Variants in ASIC2 observed in about 807,000 individuals in gnomAD.
ASIC2 encodes acid-sensing ion channel 2.
Under a neutral mutation model 57.3 loss-of-function variants are expected in ASIC2, and 25 were observed. The ratio of observed to expected loss-of-function variants is 0.44; its 90% CI spans 0.32 to 0.61. The LOEUF is 0.61. ASIC2 is among the 20% of genes least tolerant of loss of function. The pLI is 0.06. For missense variants in ASIC2, 641 were observed against 738.1 expected (o/e 0.87, Z 1.52); for synonymous variants, 319 against 307.5 (o/e 1.04, Z -0.39).
intron 1 of ASIC2, among the ~76,000 whole-genome samples, chr17:33,196,592 G>A (rs760612648): frequency 5.9e-5 from 9 of 152,176 alleles, no homozygotes; most frequent in Non-Finnish European, 1.3e-4. Flanking sequence ...GCAGGGCCAT[G>A]GAGCCTGGGT....
At chr17:33,087,314 T>C (rs922568662) in intron 3 of ASIC2, among the ~76,000 whole-genome samples, 1 of 152,170 alleles carries the variant, frequency 6.6e-6, no homozygotes, top group Non-Finnish European at 1.5e-5. Flanking sequence ...CTACCTTGCA[T>C]ACCCTTGGAT....
At chr17:33,323,882 G>A (rs74521634) in intron 1 of ASIC2, among the ~76,000 whole-genome samples, 2,792 of 151,878 alleles carry the variant, frequency 0.018, 53 homozygotes, top group Middle Eastern at 0.034. Context: ...AGAAACAAGC[G>A]TGGAAAGTGT....
intron 1 of ASIC2, among the ~76,000 whole-genome samples, chr17:33,485,485 C>T (rs1248664732): frequency 6.6e-6 from 1 of 152,202 alleles, no homozygotes; most frequent in Non-Finnish European, 1.5e-5. Context: ...AGTTAGTAGG[C>T]TCCATGTGCT....
intron 9 of ASIC2, 95 bp downstream of exon 9, chr17:33,015,876 G>A (rs1451878294): frequency 4.5e-6 from 6 of 1,324,820 alleles, no homozygotes; most frequent in Non-Finnish European, 6.4e-6. Flanking sequence ...TGTGCAGTGA[G>A]TCACATCTTT....
intron 1 of ASIC2, among the ~76,000 whole-genome samples, chr17:33,348,043 A>C (rs1908022061): frequency 6.6e-6 from 1 of 152,226 alleles, no homozygotes; most frequent in Non-Finnish European, 1.5e-5. Flanking sequence ...TAGAGGTTGC[A>C]GTGAGCCGAG....
At chr17:33,160,685 T>C (rs571963905) in intron 1 of ASIC2, among the ~76,000 whole-genome samples, 3 of 152,316 alleles carry the variant, frequency 2.0e-5, no homozygotes, top group East Asian at 3.9e-4. Flanking sequence ...GGAATGCCCC[T>C]CTGATAGGTT....
chr17:33,389,870 G>C (rs961257541), intron 1 of ASIC2, among the ~76,000 whole-genome samples: 2 of 152,156 alleles, frequency 1.3e-5, no homozygotes, highest in Admixed American at 6.5e-5. Flanking sequence ...AAGGGTTGTG[G>C]GTAAATAACA....
At chr17:33,365,223 C>T (rs1160109401) in intron 1 of ASIC2, among the ~76,000 whole-genome samples, 1 of 152,218 alleles carries the variant, frequency 6.6e-6, no homozygotes, top group East Asian at 1.9e-4. Context: ...TCTTCAAGAT[C>T]CAGCTTGGCT....
chr17:33,669,239 G>A (rs1200680525), intron 1 of ASIC2, among the ~76,000 whole-genome samples: 3 of 152,108 alleles, frequency 2.0e-5, no homozygotes, highest in Non-Finnish European at 2.9e-5. Context: ...TCTACCCCAG[G>A]CACCACACAT....
At chr17:33,982,926 A>C (rs1428591440) in intron 1 of ASIC2, among the ~76,000 whole-genome samples, 1 of 152,132 alleles carries the variant, frequency 6.6e-6, no homozygotes, top group Non-Finnish European at 1.5e-5. Context: ...ACAAGAACTC[A>C]AAGTCTTCTA....
intron 1 of ASIC2, among the ~76,000 whole-genome samples, chr17:34,130,457 T>C (rs1911918564): frequency 6.6e-6 from 1 of 152,246 alleles, no homozygotes; most frequent in East Asian, 1.9e-4. Flanking sequence ...TATATCTAAC[T>C]AGTCCCAGTG....
chr17:33,065,811 A>G (rs953136893), intron 3 of ASIC2, among the ~76,000 whole-genome samples: 1 of 152,180 alleles, frequency 6.6e-6, no homozygotes, highest in Non-Finnish European at 1.5e-5. Context: ...ATGAAAAACT[A>G]TATGTCCGAT....
intron 1 of ASIC2, chr17:34,039,049 A>G: frequency 3.7e-6 from 6 of 1,614,140 alleles, no homozygotes; most frequent in Non-Finnish European, 5.1e-6. Flanking sequence ...TGACTTTTCT[A>G]TAAGGAGTTT....
chr17:33,102,846 T>TGC (rs1567745437), intron 2 of ASIC2, among the ~76,000 whole-genome samples: 8 of 152,180 alleles, frequency 5.3e-5, no homozygotes, highest in Admixed American at 2.0e-4. Flanking sequence ...TGCAATGGCA[T>TGC]GATCTCGGCT....
chr17:33,068,040 G>A (rs1228522041), intron 3 of ASIC2, among the ~76,000 whole-genome samples: 1 of 152,126 alleles, frequency 6.6e-6, no homozygotes, highest in Non-Finnish European at 1.5e-5. Context: ...ACCGAGAGGA[G>A]GTCAAATAAA....
At chr17:34,031,643 T>A (rs1471772841) in intron 1 of ASIC2, among the ~76,000 whole-genome samples, 2 of 151,956 alleles carry the variant, frequency 1.3e-5, no homozygotes, top group African/African-American at 4.8e-5. Context: ...ATAACTAGAA[T>A]AACCAATGGA....
intron 1 of ASIC2, among the ~76,000 whole-genome samples, chr17:33,346,219 T>G (rs1275286999): frequency 1.1e-5 from 1 of 88,616 alleles, no homozygotes; most frequent in Non-Finnish European, 2.0e-5. Flanking sequence ...AGAGAGAGAT[T>G]CCCTCTCAAA....
chr17:33,555,249 T>G (rs970353791), intron 1 of ASIC2, among the ~76,000 whole-genome samples: 1 of 152,216 alleles, frequency 6.6e-6, no homozygotes, highest in Admixed American at 6.5e-5. Flanking sequence ...TTTGGTCCGC[T>G]GCTGATTAAA....
intron 1 of ASIC2, among the ~76,000 whole-genome samples, chr17:33,387,219 A>T (rs922523939): frequency 6.6e-6 from 1 of 152,200 alleles, no homozygotes; most frequent in African/African-American, 2.4e-5. Context: ...TACAAATCAC[A>T]ACAAAGCTAG....
Sources: gnomAD v4.1 joint callset for allele counts (sites outside exome capture counted in the v4.1 genomes callset) on GRCh38, gnomAD v4.1.1 for gene constraint, MANE v1.5 for transcripts, NCBI Gene and HGNC (gene_info 2026-07-23, HGNC 2026-07-21) for gene names.